The following DNAAF5 variants were observed in gnomAD, a reference collection of about 807,000 sequenced individuals.
The protein encoded by DNAAF5 is HEAT repeat containing 2.
DNAAF5 carries 64 observed loss-of-function variants against 75.8 expected under a neutral mutation model. That is an observed-to-expected ratio of 0.84 (90% CI 0.69 to 1.04). The LOEUF is 1.04. Among genes scored for constraint, DNAAF5 ranks in the 50% least tolerant of loss-of-function variants. The pLI, the probability that DNAAF5 is intolerant of heterozygous loss-of-function variation, is 0.00. For synonymous variants in DNAAF5, 657 were observed against 557.2 expected (o/e 1.18, Z -2.52); for missense variants, 1,269 against 1,178.5 (o/e 1.08, Z -1.12).
At chr7:774,666 C>T (rs1220568708) in intron 10 of DNAAF5, among the ~76,000 whole-genome samples, 1 of 152,184 alleles carries the variant, frequency 6.6e-6, no homozygotes, top group Non-Finnish European at 1.5e-5. Flanking sequence ...GCCCTGGGCG[C>T]CCGTGCAGCA....
chr7:733,621 C>G (rs193191292), intron 2 of DNAAF5, among the ~76,000 whole-genome samples: 1 of 152,090 alleles, frequency 6.6e-6, no homozygotes, highest in South Asian at 2.1e-4. Context: ...CTCAGCCTCC[C>G]GAGTAGCTGG....
At chr7:766,867 AAAAG>A (rs1311507706) in intron 8 of DNAAF5, among the ~76,000 whole-genome samples, 2 of 152,230 alleles carry the variant, frequency 1.3e-5, no homozygotes, top group Admixed American at 1.3e-4. Context: ...CATTTTATAA[AAAAG>A]AATTAATACA....
rs957022559 is a variant in DNAAF5 at position 726,933 on chromosome 7, C to A, written c.213C>A (p.Gly71=). The A allele has an allele frequency of 7.4e-7, 1 of 1,342,380 alleles. No homozygotes were observed. Among genetic ancestry groups the A allele is most frequent in the African/African-American group, 1.5e-5 (1 of 65,028 alleles). 83.2% of individuals were successfully genotyped at this position (1,342,380 alleles called of 1,614,324 possible). Residue 71 remains glycine, a synonymous_variant, in exon 1 of 13, where the codon GGC becomes GGA. Transcript: ENST00000297440. ...CCGCCGACCCCACCGCTTTCCAGGG[C>A]CCCTGGGCGCGCCTACTGCTGCCGC... The part of the protein sequence containing the change: ...GPAADPTAFQ[G]PWARLLLPRL...
Position 740,890 on chromosome 7 carries a change from C to T in DNAAF5, c.852C>T (p.His284=). 6.2e-7 allele frequency: 1 copy of T among 1,614,062 alleles called. No individual in the cohort carries two copies. The highest frequency in any genetic ancestry group is 8.5e-7 in the Non-Finnish European group (1 of 1,180,048). ...LCLRDRYSFF[H]KLIPLLLSSL... is the part of the protein sequence containing the mutation. ...TGCGTGACCGTTACTCCTTCTTCCA[C>T]AAGCTCATCCCTCTGCTGCTCAGTA... Residue 284 remains histidine, a synonymous_variant, in exon 3 of 13, where the codon CAC becomes CAT. Transcript: ENST00000297440.
rs1222875428 is a variant in DNAAF5, at chr7:754,127, C to A, written c.1025-462C>A. Among the ~76,000 whole-genome samples the A allele has an allele frequency of 6.6e-6, 1 of 152,324 alleles. No individual in the cohort carries two copies. The highest frequency in any genetic ancestry group is 1.9e-4 in the East Asian group (1 of 5,184). ...GTGTCTCTCTGATCATACACGTCAG[C>A]ACGTGTGGCAAGTGTGTTGTTTGCA... On this transcript the variant is annotated intron_variant, in intron 4 of 12. Coordinates refer to ENST00000297440, the MANE Select transcript of DNAAF5 (RefSeq NM_017802.4). The surrounding 1 kb of genome is among the most constrained non-coding windows in gnomAD (Gnocchi z 4.8).
intron 4 of DNAAF5, among the ~76,000 whole-genome samples, chr7:743,943 TTTA>T (rs1289368754): frequency 5.3e-5 from 8 of 150,756 alleles, no homozygotes; most frequent in South Asian, 4.2e-4. Context: ...TTTATTTTAT[TTTA>T]TTATTATTAT....
intron 4 of DNAAF5, among the ~76,000 whole-genome samples, chr7:749,087 A>C (rs997802762): frequency 4.6e-5 from 7 of 152,152 alleles, no homozygotes; most frequent in Admixed American, 1.3e-4. Context: ...CATTAACAGC[A>C]CTGAAACCTC....
chr7:740,813 GC>G lies in DNAAF5; in HGVS notation c.781-5del, dbSNP rs777929673. The G allele has an allele frequency of 3.7e-6, 6 of 1,613,508 alleles. No individual in the cohort carries two copies. In the Admixed American group the frequency reaches 8.3e-5, roughly 22 times the overall value. On this transcript the variant is annotated splice_polypyrimidine_tract_variant and splice_region_variant and intron_variant, in intron 2 of 12. Coordinates refer to ENST00000297440, the MANE Select transcript of DNAAF5 (RefSeq NM_017802.4). ...ACGAATCCTTATCCCTTCCTCTCAT[GC>G]GCAGGTCCGGCGGGCGGTGGCCTCC...
Position 756,941 on chromosome 7 carries a change from G to T in DNAAF5, c.1417G>T (p.Ala473Ser), listed in dbSNP as rs1211543358. ...CPREALQPHL[A>S]AIATELAQAH... The stretch of plus-strand genomic sequence containing the variant: ...CCGAGAAGCCCTCCAGCCGCACCTG[G>T]CAGCCATCGCCACAGAGCTGGCACA... Residue 473 changes from alanine to serine, a missense_variant, in exon 6 of 13, where the codon GCA becomes TCA. By Grantham distance (99) the Ala-to-Ser change is moderately conservative (BLOSUM62 1). Coordinates refer to ENST00000297440, the MANE Select transcript of DNAAF5 (RefSeq NM_017802.4). 4 of 1,608,392 alleles carry T rather than the reference G, an allele frequency of 2.5e-6. No homozygotes were observed. Among genetic ancestry groups the T allele is most frequent in the Non-Finnish European group, 3.4e-6 (4 of 1,179,918 alleles).
chr7:732,796 C>T lies in DNAAF5; in HGVS notation c.780+2949C>T, dbSNP rs187612820. Among the ~76,000 whole-genome samples, 646 of 152,254 alleles carry T rather than the reference C, an allele frequency of 4.2e-3. 3 individuals carry two copies. The highest frequency in any genetic ancestry group is 5.4e-3 in the Non-Finnish European group (370 of 68,034). ...TCCCATCCTGTGGGTTGTCTCCTCACTATTGATTGTTTTATTTGCTGTGCA... is the reference window on the plus strand; with the variant it reads ...TCCCATCCTGTGGGTTGTCTCCTCATTATTGATTGTTTTATTTGCTGTGCA... On this transcript the variant is annotated intron_variant, in intron 2 of 12. Coordinates refer to ENST00000297440, the MANE Select transcript of DNAAF5 (RefSeq NM_017802.4).
At chr7:745,671 GTGTACACACA>G (rs1782074502) in intron 4 of DNAAF5, among the ~76,000 whole-genome samples, 1 of 148,546 alleles carries the variant, frequency 6.7e-6, no homozygotes, top group African/African-American at 2.4e-5. Flanking sequence ...CCTCACACAC[GTGTACACACA>G]TATACACATC....
intron 12 of DNAAF5, among the ~76,000 whole-genome samples, chr7:784,354 C>T (rs558666172): frequency 2.2e-4 from 33 of 152,330 alleles, no homozygotes; most frequent in Non-Finnish European, 4.3e-4. Flanking sequence ...GCCGCTACCC[C>T]CCTCCCTGAC....
intron 11 of DNAAF5, among the ~76,000 whole-genome samples, chr7:777,776 T>C (rs1419042867): frequency 6.6e-6 from 1 of 152,136 alleles, no homozygotes; most frequent in Non-Finnish European, 1.5e-5. Flanking sequence ...AAAACAAAGT[T>C]AGTGACGTGA....
chr7:749,808 C>G (rs1296555678), intron 4 of DNAAF5, among the ~76,000 whole-genome samples: 1 of 152,174 alleles, frequency 6.6e-6, no homozygotes, highest in Non-Finnish European at 1.5e-5. Flanking sequence ...CAACTACTGT[C>G]CTGCCTCAGC....
At chr7:772,194 G>C (rs1778591141) in intron 9 of DNAAF5, 1 of 152,312 alleles carries the variant, frequency 6.6e-6, no homozygotes, top group East Asian at 1.9e-4. Context: ...ATCATGAGAG[G>C]TTCTCAGGGC....
At position 785,655 on chromosome 7, in the gene DNAAF5, C is replaced by G; in HGVS notation, c.*2C>G. The G allele has an allele frequency of 3.7e-6, 6 of 1,612,504 alleles. No individual in the cohort carries two copies. The highest frequency in any genetic ancestry group is 5.1e-6 in the Non-Finnish European group (6 of 1,179,794). ...CAGGCCGTGCCAGCCACACAGTGACCACGCTGGTTTCAGCCACGGCACACC... is the reference window on the plus strand; with the variant it reads ...CAGGCCGTGCCAGCCACACAGTGACGACGCTGGTTTCAGCCACGGCACACC... On this transcript the variant is annotated 3_prime_UTR_variant, in exon 13 of 13. Coordinates refer to ENST00000297440, the MANE Select transcript of DNAAF5 (RefSeq NM_017802.4).
rs551336540 is a variant in DNAAF5 at position 736,020 on chromosome 7, G to A, written c.781-4799G>A. Among the ~76,000 whole-genome samples, 422 of 152,202 alleles carry A rather than the reference G, an allele frequency of 2.8e-3. 1 individual carries two copies. Among genetic ancestry groups the A allele is most frequent in the African/African-American group, 9.3e-3 (388 of 41,538 alleles). Reference sequence around the variant, plus strand: ...TTCTTAATTTCTTCATTGACCCACCGGTCATTCAGGAGCATATTATTTAAT... The same window carrying A: ...TTCTTAATTTCTTCATTGACCCACCAGTCATTCAGGAGCATATTATTTAAT... On this transcript the variant is annotated intron_variant, in intron 2 of 12. Coordinates refer to ENST00000297440, the MANE Select transcript of DNAAF5 (RefSeq NM_017802.4).
chr7:764,505 C>T (rs1462328499), intron 8 of DNAAF5, among the ~76,000 whole-genome samples: 1 of 152,216 alleles, frequency 6.6e-6, no homozygotes, highest in Non-Finnish European at 1.5e-5. Flanking sequence ...TTGGGACACA[C>T]GGCCCGCGCT....
chr7:753,866 C>T (rs1181657560), intron 4 of DNAAF5, among the ~76,000 whole-genome samples: 11 of 107,988 alleles, frequency 1.0e-4, no homozygotes, highest in African/African-American at 1.8e-4. Flanking sequence ...GATCATATGG[C>T]GACGGCTTCG....
Sources: gnomAD v4.1 joint callset for allele counts (sites outside exome capture counted in the v4.1 genomes callset) on GRCh38, gnomAD v4.1.1 for gene constraint, Gnocchi (gnomAD v3.1) non-coding constraint, MANE v1.5 for transcripts, NCBI Gene and HGNC (gene_info 2026-07-23, HGNC 2026-07-21) for gene names.